MAPK10: variants seen among roughly 807,000 people sequenced by gnomAD.
The protein encoded by MAPK10 is mitogen-activated protein kinase 10.
A neutral mutation model predicts 59.3 loss-of-function variants in MAPK10; 25 were observed. The ratio of observed to expected loss-of-function variants is 0.42; its 90% CI spans 0.31 to 0.59. MAPK10 has a LOEUF of 0.59. Among genes scored for constraint, MAPK10 ranks in the 20% least tolerant of loss-of-function variants. The pLI is 0.15. For missense variants in MAPK10, 351 were observed against 568.9 expected (o/e 0.62, Z 3.90); for synonymous variants, 190 against 200.5 (o/e 0.95, Z 0.44).
In MAPK10 at chr4:86,371,195, A is replaced by G. The variant is rs1328205426; in HGVS notation, c.-121-16551T>C. On this transcript the variant is annotated intron_variant, in intron 1 of 13. Coordinates refer to the MAPK10 transcript ENST00000361569. ...ATAAGTCAAAGTCGCTATCATTTTTATCATTATTATCACAAATGTCATCAT... is the reference window on the plus strand; with the variant it reads ...ATAAGTCAAAGTCGCTATCATTTTTGTCATTATTATCACAAATGTCATCAT... 3.4e-5 allele frequency among the ~76,000 whole-genome samples: 5 copies of G among 145,508 alleles called. No individual in the cohort carries two copies. In the Admixed American group the frequency reaches 3.5e-4, roughly 10 times the overall value.
intron 1 of MAPK10, among the ~76,000 whole-genome samples, chr4:86,525,373 G>C (rs1174551314): frequency 1.3e-5 from 2 of 152,108 alleles, no homozygotes; most frequent in Non-Finnish European, 2.9e-5. Context: ...AGACTAGAGG[G>C]ATGAGAGTGA....
At chr4:86,360,086 G>A, upstream of MAPK10, 1 of 985,896 alleles carries the variant, frequency 1.0e-6, no homozygotes. Context: ...CAGAGGGCTT[G>A]GGGAATGGGG....
chr4:86,157,835 T>G (rs1227454323), intron 4 of MAPK10, among the ~76,000 whole-genome samples: 1 of 152,006 alleles, frequency 6.6e-6, no homozygotes, highest in Non-Finnish European at 1.5e-5. Flanking sequence ...TTTTGAGTCA[T>G]TAAAGGTCTA....
At chr4:86,545,798 C>T (rs553384023) in intron 1 of MAPK10, among the ~76,000 whole-genome samples, 10 of 152,270 alleles carry the variant, frequency 6.6e-5, no homozygotes, top group African/African-American at 2.2e-4. Flanking sequence ...TAAATATATC[C>T]AAGTGGAATA....
At chr4:86,485,601 G>C (rs949138800) in intron 1 of MAPK10, among the ~76,000 whole-genome samples, 1 of 152,196 alleles carries the variant, frequency 6.6e-6, no homozygotes, top group African/African-American at 2.4e-5. Flanking sequence ...AGTTTCAAAA[G>C]AAGTTCCAAG....
intron 1 of MAPK10, among the ~76,000 whole-genome samples, chr4:86,368,888 T>TAA (rs36078401): frequency 6.6e-6 from 1 of 151,852 alleles, no homozygotes; most frequent in Non-Finnish European, 1.5e-5. Flanking sequence ...AGCAGCAGCT[T>TAA]AAAAAATCTA....
chr4:86,139,405 C>G (rs1479477637), intron 4 of MAPK10, among the ~76,000 whole-genome samples: 2 of 150,390 alleles, frequency 1.3e-5, no homozygotes, highest in Middle Eastern at 6.8e-3. Flanking sequence ...TGATCTTTGA[C>G]AAACCTGAGA....
At position 86,472,281 on chromosome 4, in the gene MAPK10, T is replaced by G. The variant is rs560839148; in HGVS notation, c.-262-117637A>C. On this transcript the variant is annotated intron_variant, in intron 1 of 4. Transcript: ENST00000502302. Reference sequence around the variant, plus strand: ...CTTTCCTACAAAGTTTTTAAACTAGTAAGAGCAATTCTAAGTGGTATTTAT... The same window carrying G: ...CTTTCCTACAAAGTTTTTAAACTAGGAAGAGCAATTCTAAGTGGTATTTAT... Among the ~76,000 whole-genome samples, 15 of 152,324 alleles carry G rather than the reference T, an allele frequency of 9.8e-5. No individual in the cohort carries two copies. The South Asian group carries it at 2.9e-3, about 29-fold the overall frequency.
chr4:86,376,241 C>T (rs891049049), intron 1 of MAPK10, among the ~76,000 whole-genome samples: 3 of 152,150 alleles, frequency 2.0e-5, no homozygotes, highest in African/African-American at 7.2e-5. Flanking sequence ...CACTCAAAAG[C>T]TTGTCAGAAT....
At chr4:86,171,911 A>G (rs2074294748) in intron 3 of MAPK10, among the ~76,000 whole-genome samples, 1 of 151,188 alleles carries the variant, frequency 6.6e-6, no homozygotes, top group South Asian at 2.1e-4. Flanking sequence ...AAAGTGGGCG[A>G]AGGATATGAA....
intron 2 of MAPK10, among the ~76,000 whole-genome samples, chr4:86,227,928 G>A (rs569192308): frequency 1.3e-5 from 2 of 152,224 alleles, no homozygotes; most frequent in East Asian, 1.9e-4. Context: ...GAAGAAGTCC[G>A]TACTCACAGA....
chr4:86,467,726 G>A (rs901422533), intron 1 of MAPK10, among the ~76,000 whole-genome samples: 1 of 152,144 alleles, frequency 6.6e-6, no homozygotes, highest in African/African-American at 2.4e-5. Flanking sequence ...CACCACGTTG[G>A]CCAGGATGGT....
chr4:86,214,581 G>C (rs906774488), intron 2 of MAPK10, among the ~76,000 whole-genome samples: 16 of 135,866 alleles, frequency 1.2e-4, no homozygotes, highest in African/African-American at 4.3e-4. Context: ...AGGATACAAA[G>C]TTAACGCGCA....
chr4:86,555,836 T>A (rs890737068), intron 1 of MAPK10, among the ~76,000 whole-genome samples: 1 of 152,220 alleles, frequency 6.6e-6, no homozygotes, highest in Non-Finnish European at 1.5e-5. Flanking sequence ...ACCTATGATT[T>A]GTTCTTGCAT....
intron 1 of MAPK10, among the ~76,000 whole-genome samples, chr4:86,439,677 T>C (rs1344842505): frequency 6.6e-6 from 1 of 152,250 alleles, no homozygotes; most frequent in Non-Finnish European, 1.5e-5. Context: ...AGACGGTTTT[T>C]GAAAGTGTCT....
intron 2 of MAPK10, among the ~76,000 whole-genome samples, chr4:86,260,912 A>G (rs768727157): frequency 6.6e-6 from 1 of 152,142 alleles, no homozygotes; most frequent in Non-Finnish European, 1.5e-5. Context: ...CAATGAAGAG[A>G]TAAACATCAT....
intron 1 of MAPK10, among the ~76,000 whole-genome samples, chr4:86,378,783 G>C (rs986844574): frequency 6.6e-6 from 1 of 152,192 alleles, no homozygotes; most frequent in Non-Finnish European, 1.5e-5. Context: ...GCACGGGAGA[G>C]AGTCACATAA....
intron 13 of MAPK10, among the ~76,000 whole-genome samples, chr4:86,019,358 G>T (rs897736249): frequency 6.6e-6 from 1 of 152,040 alleles, no homozygotes; most frequent in African/African-American, 2.4e-5. Flanking sequence ...AATGTCTCTA[G>T]AAAAGGTTTT....
chr4:86,081,422 T>C (rs543847382), intron 9 of MAPK10: 1 of 151,668 alleles, frequency 6.6e-6, no homozygotes, highest in Non-Finnish European at 1.5e-5. Context: ...ATAATCCAAA[T>C]ACAAGAAGAT....
Sources: gnomAD v4.1 joint callset for allele counts (sites outside exome capture counted in the v4.1 genomes callset) on GRCh38, gnomAD v4.1.1 for gene constraint, MANE v1.5 for transcripts, NCBI Gene and HGNC (gene_info 2026-07-23, HGNC 2026-07-21) for gene names.